Variants in PHF21B observed in about 807,000 individuals in gnomAD.
PHF21B encodes the protein PHD finger protein 21B, also known as PHD finger protein 4.
PHF21B carries 22 observed loss-of-function variants against 62.2 expected under a neutral mutation model. The ratio of observed to expected loss-of-function variants is 0.35; its 90% confidence interval spans 0.25 to 0.51. PHF21B has a LOEUF of 0.51. PHF21B is among the 20% of genes least tolerant of loss of function. PHF21B has a pLI of 0.97. For synonymous variants in PHF21B, 341 were observed against 314.7 expected (o/e 1.08, Z -0.88); for missense variants, 701 against 707.9 (o/e 0.99, Z 0.11).
chr22:44,961,378 C>T (rs577195240), intron 2 of PHF21B, among the ~76,000 whole-genome samples: 1 of 152,150 alleles, frequency 6.6e-6, no homozygotes, highest in African/African-American at 2.4e-5. Flanking sequence ...GTAGTGAGCA[C>T]AGTACCCAAC....
At chr22:44,961,822 G>C (rs555313591) in intron 2 of PHF21B, among the ~76,000 whole-genome samples, 1 of 151,338 alleles carries the variant, frequency 6.6e-6, no homozygotes. Context: ...TCCAGCCTGG[G>C]TGACAGAGCG....
chr22:44,943,481 A>G (rs2072001567), intron 2 of PHF21B, among the ~76,000 whole-genome samples: 1 of 152,100 alleles, frequency 6.6e-6, no homozygotes. Flanking sequence ...AGGCCCCACT[A>G]GTGCTGGGGG....
rs2070763698 is a variant in PHF21B at position 44,882,896 on chromosome 22, G to A, written c.*190C>T. 1 of 661,380 alleles carries A rather than the reference G, an allele frequency of 1.5e-6. No homozygotes were observed. The highest frequency in any genetic ancestry group is 2.5e-6 in the Non-Finnish European group (1 of 404,506). 41.0% of individuals were successfully genotyped at this position (661,380 alleles called of 1,614,324 possible). On this transcript the variant is annotated 3_prime_UTR_variant, in exon 13 of 13. Transcript: ENST00000313237. ...TAGGTACCCCCTGTGAATTTGGAGG[G>A]CACAGGGCCGCACCCCCACCTGGTC...
intron 9 of PHF21B, among the ~76,000 whole-genome samples, chr22:44,889,072 G>A (rs1005024053): frequency 1.5e-4 from 23 of 152,254 alleles, no homozygotes; most frequent in African/African-American, 5.5e-4. Flanking sequence ...AAATGACACA[G>A]CCTAACCGGA....
chr22:44,978,692 G>A (rs904431547), intron 2 of PHF21B, among the ~76,000 whole-genome samples: 4 of 152,316 alleles, frequency 2.6e-5, no homozygotes, highest in East Asian at 3.9e-4. Context: ...TCTCTGATTC[G>A]GGTAAGGCAT....
intron 2 of PHF21B, among the ~76,000 whole-genome samples, chr22:44,936,199 CG>C (rs2147351473): frequency 6.6e-6 from 1 of 152,314 alleles, no homozygotes; most frequent in African/African-American, 2.4e-5. Flanking sequence ...GGGAGAGCTA[CG>C]GAACGGGGCT....
rs762636382 is a variant in PHF21B at position 44,913,919 on chromosome 22, G to A, written c.734C>T (p.Thr245Met). 120 of 1,613,626 alleles carry A rather than the reference G, an allele frequency of 7.4e-5. No individual in the cohort carries two copies. Among genetic ancestry groups the A allele is most frequent in the Non-Finnish European group, 8.9e-5 (105 of 1,179,962 alleles). Residue 245 changes from threonine (T) to methionine (M), a missense_variant, in exon 5 of 13, where the codon ACG becomes ATG. Transcript: ENST00000313237. ...QPQVQTQPESTAESRPPTEEP... is the reference protein window; with the variant it reads ...QPQVQTQPESMAESRPPTEEP... ...CTCTGTGGGCGGCCGCGACTCTGCC[G>A]TGCTCTCGGGCTGCGTCTGCACTTG...
At chr22:45,006,964 T>A (rs2073325380) in intron 2 of PHF21B, among the ~76,000 whole-genome samples, 1 of 151,806 alleles carries the variant, frequency 6.6e-6, no homozygotes, top group South Asian at 2.1e-4. Context: ...AAAAATGGCA[T>A]CAAAGCAATC....
At chr22:44,886,892 T>C (rs746902697) in intron 10 of PHF21B, among the ~76,000 whole-genome samples, 13 of 152,182 alleles carry the variant, frequency 8.5e-5, no homozygotes, top group Non-Finnish European at 1.5e-4. Context: ...CAGTGGCTCA[T>C]ACCTGTAATC....
At chr22:44,997,047 T>G (rs2073135591) in intron 2 of PHF21B, among the ~76,000 whole-genome samples, 1 of 152,144 alleles carries the variant, frequency 6.6e-6, no homozygotes, top group Non-Finnish European at 1.5e-5. Flanking sequence ...CCCCCGAGTC[T>G]CTGAGCACCA....
chr22:44,908,162 CAAAGGCAGAGATGGCGTCT>C (rs2071283858), intron 5 of PHF21B, among the ~76,000 whole-genome samples: 1 of 152,168 alleles, frequency 6.6e-6, no homozygotes, highest in Non-Finnish European at 1.5e-5. Context: ...TCAGCCTGAC[CAAAGGCAGAGATGGCGTCT>C]CCAGTGGCGA....
intron 2 of PHF21B, among the ~76,000 whole-genome samples, chr22:44,946,261 T>A (rs977495774): frequency 3.4e-5 from 5 of 146,864 alleles, no homozygotes; most frequent in African/African-American, 1.4e-4. Flanking sequence ...CTAGAGAGGC[T>A]CCCTATCTCT....
intron 2 of PHF21B, among the ~76,000 whole-genome samples, chr22:44,960,836 T>A (rs6006912): frequency 0.49 from 74,238 of 152,016 alleles, 20,566 homozygotes; most frequent in Non-Finnish European, 0.64. Flanking sequence ...CATCAGCCTT[T>A]CTCAGGTCTC....
Position 44,955,157 on chromosome 22 carries a change from G to A in PHF21B, c.121-34667C>T, listed in dbSNP as rs1601640548. 2.6e-5 allele frequency among the ~76,000 whole-genome samples: 4 copies of A among 152,274 alleles called. No individual in the cohort carries two copies. The South Asian group carries it at 6.2e-4, about 24-fold the overall frequency. Reference sequence around the variant, plus strand: ...CTGTGTCTCCCAGAGTCCTGGCCTCGGAGGAGGCTCCACAGCAACACCACC... The same window carrying A: ...CTGTGTCTCCCAGAGTCCTGGCCTCAGAGGAGGCTCCACAGCAACACCACC... On this transcript the variant is annotated intron_variant, in intron 2 of 12. Coordinates refer to ENST00000313237, the MANE Select transcript of PHF21B (RefSeq NM_138415.5).
At chr22:44,961,034 G>A (rs1475298275) in intron 2 of PHF21B, among the ~76,000 whole-genome samples, 2 of 142,362 alleles carry the variant, frequency 1.4e-5, no homozygotes, top group Non-Finnish European at 3.0e-5. Flanking sequence ...TCGGCTCACT[G>A]CAACTTCTGA....
chr22:44,951,007 G>T (rs2072182354), intron 2 of PHF21B, among the ~76,000 whole-genome samples: 1 of 152,108 alleles, frequency 6.6e-6, no homozygotes, highest in African/African-American at 2.4e-5. Flanking sequence ...TAAGCATCAG[G>T]TTCTGACGTA....
Position 45,009,983 on chromosome 22 carries a change from C to A in PHF21B, c.-434G>T, listed in dbSNP as rs1054789513. The A allele has an allele frequency of 6.8e-6, 1 of 146,300 alleles. No homozygotes were observed. Among genetic ancestry groups the A allele is most frequent in the African/African-American group, 2.5e-5 (1 of 40,724 alleles). 9.1% of individuals were successfully genotyped at this position (146,300 alleles called of 1,614,324 possible). The stretch of plus-strand genomic sequence containing the variant: ...GTTGGGCCTCGGCAAAGTTGTGCCT[C>A]GGCACGATGCTAATTCGGCAGTGCC... On this transcript the variant is annotated 5_prime_UTR_variant, in exon 1 of 13. Transcript: ENST00000313237. This position sits in a 1 kb window ranked among gnomAD's most constrained non-coding sequence, Gnocchi z 5.9.
intron 2 of PHF21B, among the ~76,000 whole-genome samples, chr22:44,984,425 G>A (rs570540070): frequency 6.6e-5 from 10 of 152,206 alleles, no homozygotes; most frequent in African/African-American, 1.2e-4. Context: ...AGGGGATCCC[G>A]AATCTTGTGG....
intron 2 of PHF21B, among the ~76,000 whole-genome samples, chr22:44,980,266 T>G (rs2072815552): frequency 6.6e-6 from 1 of 152,174 alleles, no homozygotes; most frequent in South Asian, 2.1e-4. Context: ...GTGGAAGATC[T>G]GGACTCCTGG....
Sources: allele counts gnomAD v4.1 joint callset (sites outside exome capture counted in the v4.1 genomes callset), GRCh38; gene constraint gnomAD v4.1.1; non-coding constraint Gnocchi (gnomAD v3.1); transcripts MANE v1.5; gene names NCBI Gene and HGNC (gene_info 2026-07-23, HGNC 2026-07-21).